Variants in SYNRG observed in about 807,000 individuals in gnomAD.
SYNRG encodes synergin gamma, also known as AP1 gamma subunit binding protein 1.
A neutral mutation model predicts 130.9 loss-of-function variants in SYNRG; 37 were observed. The ratio of observed to expected loss-of-function variants is 0.28; its 90% CI spans 0.22 to 0.37. The LOEUF is 0.37. Ranked by LOEUF, SYNRG falls within the 10% of genes least tolerant of loss-of-function variation. The pLI is 1.00. For missense variants in SYNRG, 1,338 were observed against 1,588.9 expected, an observed-to-expected ratio of 0.84 and a Z score of 2.68; for synonymous variants, 539 against 568.1, an observed-to-expected ratio of 0.95 and a Z score of 0.73.
intron 19 of SYNRG, among the ~76,000 whole-genome samples, chr17:37,530,988 C>A (rs1033751127): frequency 6.6e-6 from 1 of 152,200 alleles, no homozygotes; most frequent in Non-Finnish European, 1.5e-5. Flanking sequence ...GTGGCTCACA[C>A]CTGTAATCCC....
intron 8 of SYNRG, 61 bp downstream of exon 8, chr17:37,576,280 C>T: frequency 6.6e-7 from 1 of 1,517,958 alleles, no homozygotes. Context: ...TTTACAACTA[C>T]ATTTACAATA....
chr17:37,607,189 C>T (rs977881594), intron 1 of SYNRG, among the ~76,000 whole-genome samples: 5 of 152,032 alleles, frequency 3.3e-5, no homozygotes, highest in Non-Finnish European at 5.9e-5. Context: ...GCTACATTTA[C>T]AAAGGGGGGA....
intron 14 of SYNRG, among the ~76,000 whole-genome samples, chr17:37,547,686 C>A (rs932262230): frequency 3.3e-5 from 5 of 152,186 alleles, no homozygotes; most frequent in Admixed American, 6.5e-5. Context: ...TGGTCTCCAA[C>A]TCCTGACCTC....
At chr17:37,587,412 G>C (rs1055132432) in intron 3 of SYNRG, among the ~76,000 whole-genome samples, 1 of 152,174 alleles carries the variant, frequency 6.6e-6, no homozygotes, top group Non-Finnish European at 1.5e-5. Context: ...TCCCTGAAAA[G>C]TTCCTCTTCT....
chr17:37,517,172 C>T lies in SYNRG; in HGVS notation c.*1768G>A. The T allele has an allele frequency of 6.5e-6, 1 of 152,762 alleles. No individual in the cohort carries two copies. Among genetic ancestry groups the T allele is most frequent in the Non-Finnish European group, 1.5e-5 (1 of 68,424 alleles). The allele number at this position is 152,762 out of a possible 1,614,324, so 9.5% of individuals were successfully genotyped here. On this transcript the variant is annotated 3_prime_UTR_variant, in exon 22 of 22. Coordinates refer to ENST00000612223, the MANE Select transcript of SYNRG (RefSeq NM_007247.6). ...GAGGTTGCACTGAGCTGAGATTGTG[C>T]CATTGCACTCAAGCCTGGGCAACAA...
At position 37,561,153 on chromosome 17, in the gene SYNRG, A is replaced by T. The variant is rs1232055355; in HGVS notation, c.1663+42T>A. ...ACCATCGAAAACCCCTTTTTTATTA[A>T]AAATGGAAATAATTTATCCTTTTGA... On this transcript the variant is annotated intron_variant, in intron 13 of 21. Transcript: ENST00000612223. 2.6e-6 allele frequency: 4 copies of T among 1,553,238 alleles called. No individual in the cohort carries two copies. The South Asian group carries it at 4.5e-5, about 18-fold the overall frequency.
At chr17:37,524,570 C>T (rs1225023014) in intron 19 of SYNRG, among the ~76,000 whole-genome samples, 2 of 152,250 alleles carry the variant, frequency 1.3e-5, no homozygotes, top group Non-Finnish European at 2.9e-5. Flanking sequence ...TTAGCCAAGT[C>T]ATAGGATATT....
At chr17:37,586,634 C>G in intron 3 of SYNRG, 85 bp from the exon 4 acceptor site, 1 of 1,440,968 alleles carries the variant, frequency 6.9e-7, no homozygotes, top group South Asian at 1.3e-5. Flanking sequence ...TAAATTCTAT[C>G]TTAATACTCT....
chr17:37,576,255 G>C lies in SYNRG; in HGVS notation c.901+86C>G, dbSNP rs577686846. On this transcript the variant is annotated intron_variant, in intron 8 of 21. Coordinates refer to ENST00000612223, the MANE Select transcript of SYNRG (RefSeq NM_007247.6). Reference sequence around the variant, plus strand: ...ACAACTCCTCCTGCATTTTTTGTAAGTGCAACAGTAAATATTTACAACTAC... The same window carrying C: ...ACAACTCCTCCTGCATTTTTTGTAACTGCAACAGTAAATATTTACAACTAC... The C allele has an allele frequency of 3.0e-6, 4 of 1,336,514 alleles. No individual in the cohort carries two copies. The East Asian group carries it at 9.5e-5, about 32-fold the overall frequency. 82.8% of individuals were successfully genotyped at this position (1,336,514 alleles called of 1,614,324 possible). A position where few individuals can be genotyped will look rare whatever the true frequency, so the allele number is the denominator to read the frequency against.
intron 19 of SYNRG, among the ~76,000 whole-genome samples, chr17:37,520,926 T>C (rs1004726248): frequency 6.6e-6 from 1 of 152,050 alleles, no homozygotes; most frequent in Non-Finnish European, 1.5e-5. Context: ...TGGGTGTGCT[T>C]ACTTGGGGGA....
At chr17:37,607,719 G>A (rs1282211637) in intron 1 of SYNRG, among the ~76,000 whole-genome samples, 2 of 152,092 alleles carry the variant, frequency 1.3e-5, no homozygotes, top group Non-Finnish European at 2.9e-5. Context: ...AACCCGGGAG[G>A]TCGAGGTTGC....
Position 37,553,637 on chromosome 17 carries a change from C to G in SYNRG, c.2086G>C (p.Ala696Pro). The G allele has an allele frequency of 1.2e-6, 2 of 1,613,916 alleles. No individual in the cohort carries two copies. The highest frequency in any genetic ancestry group is 1.7e-6 in the Non-Finnish European group (2 of 1,179,958). Residue 696 changes from alanine to proline, a missense_variant, in exon 14 of 22, where the codon GCT becomes CCT. Physicochemically the swap from Ala to Pro is conservative, Grantham distance 27. Transcript: ENST00000612223. The part of the protein sequence containing the change: ...GEQDDFADFM[A>P]FSNSSISSEQ... ...GATGAAATAGAGCTATTACTGAAAG[C>G]CATAAAATCTGCAAAGTCATCCTGC...
Position 37,576,270 on chromosome 17 carries a change from T to C in SYNRG, c.901+71A>G. ...TTTTTTGTAAGTGCAACAGTAAATATTTACAACTACATTTACAATATTTAA... is the reference window on the plus strand; with the variant it reads ...TTTTTTGTAAGTGCAACAGTAAATACTTACAACTACATTTACAATATTTAA... On this transcript the variant is annotated intron_variant, in intron 8 of 21. Transcript: ENST00000612223. The C allele has an allele frequency of 2.7e-6, 4 of 1,494,204 alleles. No homozygotes were observed. In the Middle Eastern group the frequency reaches 5.2e-4, roughly 193 times the overall value. 92.6% of individuals were successfully genotyped at this position (1,494,204 alleles called of 1,614,324 possible).
intron 1 of SYNRG, among the ~76,000 whole-genome samples, chr17:37,604,767 G>A (rs1245547035): frequency 6.6e-6 from 1 of 152,130 alleles, no homozygotes; most frequent in African/African-American, 2.4e-5. Context: ...GGAGAGATGG[G>A]CGACTCTTCC....
At chr17:37,534,353 T>C (rs1384388327) in intron 19 of SYNRG, among the ~76,000 whole-genome samples, 1 of 152,100 alleles carries the variant, frequency 6.6e-6, no homozygotes, top group South Asian at 2.1e-4. Context: ...TTTTTTTATC[T>C]ATCTATCTAT....
intron 6 of SYNRG, among the ~76,000 whole-genome samples, chr17:37,582,819 T>C (rs1348876947): frequency 1.3e-5 from 2 of 152,158 alleles, no homozygotes; most frequent in African/African-American, 4.8e-5. Flanking sequence ...TGTGATCATG[T>C]CACCGCACTA....
In SYNRG at chr17:37,571,949, T is replaced by C. The variant is rs1161215364; in HGVS notation, c.940A>G (p.Thr314Ala). Reference sequence around the variant, plus strand: ...TACAGTTTGGCAGTATCTATTCCAGTTGGAGTCATTGTGGTTTCTAAGATT... The same window carrying C: ...TACAGTTTGGCAGTATCTATTCCAGCTGGAGTCATTGTGGTTTCTAAGATT... ...KKILETTMTPTGIDTAKLYPI... is the reference protein window; with the variant it reads ...KKILETTMTPAGIDTAKLYPI... The change falls in exon 9 of 22, where the codon ACT becomes GCT. Residue 314 changes from threonine (T) to alanine (A), a missense_variant. By Grantham distance (58) the Thr-to-Ala change is moderately conservative (BLOSUM62 0). Around this residue, in one of 3 missense-constraint regions of SYNRG, gnomAD observed 1,146 missense variants for 1,342.3 expected, o/e 0.85. Coordinates refer to ENST00000612223, the MANE Select transcript of SYNRG (RefSeq NM_007247.6). 6.2e-7 allele frequency: 1 copy of C among 1,613,360 alleles called. No individual in the cohort carries two copies.
intron 18 of SYNRG, among the ~76,000 whole-genome samples, chr17:37,537,925 C>T (rs1000415944): frequency 5.3e-5 from 8 of 152,208 alleles, no homozygotes; most frequent in African/African-American, 1.4e-4. Flanking sequence ...TGGACTGACA[C>T]ATCAAATTGC....
intron 11 of SYNRG, among the ~76,000 whole-genome samples, chr17:37,564,648 C>T (rs979357589): frequency 6.6e-6 from 1 of 152,186 alleles, no homozygotes; most frequent in Admixed American, 6.5e-5. Flanking sequence ...ACAAGTAATG[C>T]CCATTTTCTG....
Sources: gnomAD v4.1 joint callset for allele counts (sites outside exome capture counted in the v4.1 genomes callset) on GRCh38, gnomAD v4.1.1 for gene constraint, gnomAD v4.1.1 regional missense constraint, MANE v1.5 for transcripts, NCBI Gene and HGNC (gene_info 2026-07-23, HGNC 2026-07-21) for gene names.